Variants in KCNN3 observed in about 807,000 individuals in gnomAD.
KCNN3 encodes small conductance calcium-activated potassium channel protein 3.
A neutral mutation model predicts 62.9 loss-of-function variants in KCNN3; 16 were observed. The ratio of observed to expected loss-of-function variants is 0.25; its 90% CI spans 0.17 to 0.39. KCNN3 has a LOEUF of 0.39. Among genes scored for constraint, KCNN3 ranks in the 10% least tolerant of loss-of-function variants. The pLI is 1.00. For missense variants in KCNN3, 599 were observed against 949.4 expected (o/e 0.63, Z 4.85); for synonymous variants, 370 against 389.2 (o/e 0.95, Z 0.58).
At position 154,700,164 on chromosome 1, in the gene KCNN3, G is replaced by A. The variant is rs527472994; in HGVS notation, c.*7812C>T. 3.3e-5 allele frequency: 5 copies of A among 152,252 alleles called. No individual in the cohort carries two copies. The highest frequency in any genetic ancestry group is 2.1e-4 in the South Asian group (1 of 4,828). The allele number at this position is 152,252 out of a possible 1,614,324, so 9.4% of individuals were successfully genotyped here. The stretch of plus-strand genomic sequence containing the variant: ...TATTAACGAGGTTAGTTATCACTAC[G>A]GTGAGGTGAGGCCAGTGCTTATCAA... On this transcript the variant is annotated 3_prime_UTR_variant, in exon 8 of 8. Transcript: ENST00000271915.
intron 7 of KCNN3, among the ~76,000 whole-genome samples, chr1:154,712,761 C>T (rs1269297224): frequency 1.3e-5 from 2 of 152,196 alleles, no homozygotes; most frequent in Non-Finnish European, 2.9e-5. Flanking sequence ...TCAGCTCTGC[C>T]AGCAGTGTGG....
intron 2 of KCNN3, among the ~76,000 whole-genome samples, chr1:154,796,466 AC>A (rs150147842): frequency 0.056 from 8,470 of 152,272 alleles, 285 homozygotes; most frequent in Middle Eastern, 0.075. Flanking sequence ...AAACATACAC[AC>A]GCACGTACAG....
chr1:154,777,436 C>T (rs936341878), intron 2 of KCNN3, among the ~76,000 whole-genome samples: 4 of 152,182 alleles, frequency 2.6e-5, no homozygotes, highest in Admixed American at 2.0e-4. Flanking sequence ...TTGTTAACCA[C>T]CCAGAATGGA....
At chr1:154,730,839 C>G (rs1294694726) in intron 4 of KCNN3, among the ~76,000 whole-genome samples, 1 of 152,182 alleles carries the variant, frequency 6.6e-6, no homozygotes, top group African/African-American at 2.4e-5. Flanking sequence ...AGAACGCTCT[C>G]TCTGGGGGAG....
intron 3 of KCNN3, among the ~76,000 whole-genome samples, chr1:154,751,189 A>C (rs997443760): frequency 3.3e-5 from 5 of 152,186 alleles, no homozygotes; most frequent in Admixed American, 2.6e-4. Flanking sequence ...AGTCTGGACA[A>C]GTTGCTTCCC....
At chr1:154,812,582 T>G (rs181207921) in intron 2 of KCNN3, among the ~76,000 whole-genome samples, 2 of 152,346 alleles carry the variant, frequency 1.3e-5, no homozygotes, top group East Asian at 3.8e-4. Context: ...TGAGCACTTG[T>G]TCCCCATGAC....
intron 2 of KCNN3, among the ~76,000 whole-genome samples, chr1:154,787,157 C>T (rs1490085625): frequency 2.0e-5 from 3 of 152,248 alleles, no homozygotes; most frequent in Admixed American, 6.5e-5. Flanking sequence ...TATTTCAAGG[C>T]CACCTCTCCA....
chr1:154,723,079 C>T (rs1700391394), intron 5 of KCNN3, among the ~76,000 whole-genome samples: 2 of 152,140 alleles, frequency 1.3e-5, no homozygotes, highest in Non-Finnish European at 2.9e-5. Context: ...TACAATGGAC[C>T]ATTTCAAGAG....
At position 154,772,580 on chromosome 1, in the gene KCNN3, C is replaced by T. The variant is rs1648610013; in HGVS notation, c.1030-187G>A. ...TATGTGGAGTAGGGAGAGCTGGATT[C>T]AGTCTACCTGGGAAGCCCTGGCTAA... On this transcript the variant is annotated intron_variant, in intron 2 of 7. Transcript: ENST00000271915. This position sits in a 1 kb window ranked among gnomAD's most constrained non-coding sequence, Gnocchi z 5.6. Among the ~76,000 whole-genome samples the T allele has an allele frequency of 6.6e-6, 1 of 152,224 alleles. No individual in the cohort carries two copies. Among genetic ancestry groups the T allele is most frequent in the African/African-American group, 2.4e-5 (1 of 41,458 alleles).
rs76995012 is a variant in KCNN3, at chr1:154,808,932, C to T, written c.1029+13157G>A. 6.7e-3 allele frequency among the ~76,000 whole-genome samples: 1,020 copies of T among 152,274 alleles called. 41 individuals carry two copies. Among genetic ancestry groups the T allele is most frequent in the Admixed American group, 0.047 (720 of 15,306 alleles). On this transcript the variant is annotated intron_variant, in intron 2 of 7. Transcript: ENST00000271915. ...TGGCGATCACACAGCAGGCAGGTGTCGGGCGGCTCCCGCAGAGCCGCCTCG... is the reference window on the plus strand; with the variant it reads ...TGGCGATCACACAGCAGGCAGGTGTTGGGCGGCTCCCGCAGAGCCGCCTCG...
At chr1:154,802,391 T>A (rs1649994288) in intron 2 of KCNN3, among the ~76,000 whole-genome samples, 2 of 151,142 alleles carry the variant, frequency 1.3e-5, no homozygotes, top group South Asian at 4.2e-4. Context: ...AGGAGGGGAG[T>A]TTGAAAAAAC....
rs1480048632 is a variant in KCNN3, at chr1:154,772,997, G to C, written c.1030-604C>G. Among the ~76,000 whole-genome samples, 1 of 152,158 alleles carries C rather than the reference G, an allele frequency of 6.6e-6. No homozygotes were observed. The highest frequency in any genetic ancestry group is 1.5e-5 in the Non-Finnish European group (1 of 68,030). ...ACCTCCACAAAATCCCAAAAAGACA[G>C]TGTTTTGTTTTGTTTTTTTAACTTT... On this transcript the variant is annotated intron_variant, in intron 2 of 7. Coordinates refer to ENST00000271915, the MANE Select transcript of KCNN3 (RefSeq NM_002249.6). The surrounding 1 kb of genome is among the most constrained non-coding windows in gnomAD (Gnocchi z 5.6).
rs1038702511 is a variant in KCNN3 at position 154,828,288 on chromosome 1, C to T, written c.934-6104G>A. Among the ~76,000 whole-genome samples, 6 of 152,210 alleles carry T rather than the reference C, an allele frequency of 3.9e-5. No homozygotes were observed. The Middle Eastern group carries it at 0.01, about 259-fold the overall frequency. On this transcript the variant is annotated intron_variant, in intron 1 of 7. Transcript: ENST00000271915. ...GTTCAGTTAAGCCTGATGACCAAGG[C>T]GCCGAGCACACATGCCATGACAAAC... is the stretch of plus-strand genomic sequence containing the variant.
chr1:154,868,038 C>G, intron 1 of KCNN3: 2 of 985,480 alleles, frequency 2.0e-6, no homozygotes, highest in Non-Finnish European at 1.2e-6. Context: ...GCCAGCTCCC[C>G]GCTAAAGCCA....
chr1:154,788,395 G>A (rs1649374693), intron 2 of KCNN3, among the ~76,000 whole-genome samples: 1 of 152,200 alleles, frequency 6.6e-6, no homozygotes, highest in South Asian at 2.1e-4. Flanking sequence ...GCATATTAAA[G>A]CTTCTGAGAC....
chr1:154,728,315 A>G (rs1345649879), intron 4 of KCNN3, among the ~76,000 whole-genome samples: 1 of 152,140 alleles, frequency 6.6e-6, no homozygotes, highest in East Asian at 1.9e-4. Flanking sequence ...TTCAACATAG[A>G]GATGTTATGA....
At chr1:154,810,326 G>C (rs747314387) in intron 2 of KCNN3, among the ~76,000 whole-genome samples, 3 of 152,180 alleles carry the variant, frequency 2.0e-5, no homozygotes, top group Non-Finnish European at 4.4e-5. Context: ...CTGAGGGCCT[G>C]GGGACTATCA....
chr1:154,773,399 A>G (rs1648656687), intron 2 of KCNN3, among the ~76,000 whole-genome samples: 1 of 152,160 alleles, frequency 6.6e-6, no homozygotes. Flanking sequence ...GAGTTCTGTG[A>G]GCTGCTCTAG....
intron 3 of KCNN3, among the ~76,000 whole-genome samples, chr1:154,741,450 G>T (rs1038137293): frequency 1.3e-5 from 2 of 152,202 alleles, no homozygotes; most frequent in Non-Finnish European, 2.9e-5. Flanking sequence ...CTCTACAAAA[G>T]TGAGGCTTGC....
Sources: allele counts gnomAD v4.1 joint callset (sites outside exome capture counted in the v4.1 genomes callset), GRCh38; gene constraint gnomAD v4.1.1; non-coding constraint Gnocchi (gnomAD v3.1); transcripts MANE v1.5; gene names NCBI Gene and HGNC (gene_info 2026-07-23, HGNC 2026-07-21).